DCC: variants seen among roughly 807,000 people sequenced by gnomAD.
DCC encodes the protein DCC netrin 1 receptor, also known as netrin receptor DCC.
A neutral mutation model predicts 172.5 loss-of-function variants in DCC; 58 were observed. The observed-to-expected ratio is 0.34, with a 90% CI of 0.27 to 0.42. The LOEUF (loss-of-function observed/expected upper bound fraction) is 0.42, where lower values mean the gene tolerates loss of function less well. Ranked by LOEUF, DCC falls within the 10% of genes least tolerant of loss-of-function variation. DCC has a pLI of 1.00. For missense variants in DCC, 1,740 were observed against 1,791.0 expected (o/e 0.97, Z 0.51); for synonymous variants, 709 against 644.5 (o/e 1.10, Z -1.52).
chr18:53,426,387 A>T (rs1454071148), intron 21 of DCC, among the ~76,000 whole-genome samples: 3 of 142,198 alleles, frequency 2.1e-5, no homozygotes, highest in African/African-American at 7.6e-5. Flanking sequence ...GTTATATATC[A>T]TATATATTTA....
chr18:53,088,502 G>A (rs751698552), intron 7 of DCC, among the ~76,000 whole-genome samples: 14 of 152,054 alleles, frequency 9.2e-5, no homozygotes, highest in Non-Finnish European at 1.8e-4. Flanking sequence ...GGAGATTTGG[G>A]GCTGAGACAA....
At chr18:53,098,061 C>G (rs903225712) in intron 7 of DCC, among the ~76,000 whole-genome samples, 1 of 152,130 alleles carries the variant, frequency 6.6e-6, no homozygotes, top group Non-Finnish European at 1.5e-5. Context: ...CCCCTGTTCT[C>G]TGACTTCCTA....
intron 12 of DCC, among the ~76,000 whole-genome samples, chr18:53,230,297 G>T (rs762593828): frequency 5.3e-5 from 8 of 152,050 alleles, no homozygotes; most frequent in African/African-American, 1.7e-4. Flanking sequence ...CAAAGTAGAA[G>T]AATTGCACAG....
At chr18:52,935,302 T>C (rs1427332518) in intron 5 of DCC, among the ~76,000 whole-genome samples, 1 of 152,104 alleles carries the variant, frequency 6.6e-6, no homozygotes, top group Non-Finnish European at 1.5e-5. Context: ...ATCATCCCTT[T>C]ATTTAATAAT....
chr18:52,774,774 C>T (rs1180425752), intron 2 of DCC, among the ~76,000 whole-genome samples: 1 of 1,360 alleles, frequency 7.4e-4, no homozygotes, highest in Non-Finnish European at 2.1e-3. Context: ...AGGAGAGGTG[C>T]CCCTGAACCA....
chr18:52,704,989 G>T (rs990200547), intron 1 of DCC, among the ~76,000 whole-genome samples: 13 of 152,080 alleles, frequency 8.5e-5, no homozygotes, highest in Admixed American at 7.9e-4. Context: ...GAAGCTTTGG[G>T]GCACTTGGTT....
chr18:53,025,178 G>A (rs894945491), intron 5 of DCC, among the ~76,000 whole-genome samples: 2 of 152,066 alleles, frequency 1.3e-5, no homozygotes, highest in African/African-American at 2.4e-5. Context: ...ATTTACTGAC[G>A]AGTCACTGGA....
At chr18:52,698,477 A>G (rs988960690) in intron 1 of DCC, among the ~76,000 whole-genome samples, 1 of 152,138 alleles carries the variant, frequency 6.6e-6, no homozygotes, top group African/African-American at 2.4e-5. Context: ...TCATTTATTG[A>G]GATGATTGTC....
At chr18:52,619,606 AT>A (rs2034444519) in intron 1 of DCC, among the ~76,000 whole-genome samples, 1 of 152,318 alleles carries the variant, frequency 6.6e-6, no homozygotes, top group Admixed American at 6.5e-5. Context: ...TTGTACTTAT[AT>A]TTTACCAATA....
chr18:52,792,455 G>T (rs1289671564), intron 2 of DCC, among the ~76,000 whole-genome samples: 2 of 152,196 alleles, frequency 1.3e-5, no homozygotes, highest in Non-Finnish European at 2.9e-5. Context: ...CAGTCCATAA[G>T]CCTTTGGGTA....
chr18:53,177,190 G>T (rs1455934198), intron 8 of DCC, among the ~76,000 whole-genome samples: 2 of 150,728 alleles, frequency 1.3e-5, no homozygotes, highest in Non-Finnish European at 1.5e-5. Context: ...GGGGTGGGGG[G>T]AGCGGGGGAG....
chr18:52,514,911 TACTC>T (rs1284814853), intron 1 of DCC, among the ~76,000 whole-genome samples: 2 of 152,172 alleles, frequency 1.3e-5, no homozygotes, highest in East Asian at 1.9e-4. Flanking sequence ...GGAAAACAAA[TACTC>T]AGTCTTTCCC....
intron 2 of DCC, among the ~76,000 whole-genome samples, chr18:52,775,410 A>G (rs768959956): frequency 6.6e-6 from 1 of 152,214 alleles, no homozygotes; most frequent in African/African-American, 2.4e-5. Context: ...ACCTTGTCGC[A>G]AGGACAGATC....
intron 2 of DCC, among the ~76,000 whole-genome samples, chr18:52,876,454 A>G (rs1771725635): frequency 1.3e-5 from 2 of 152,250 alleles, no homozygotes; most frequent in Admixed American, 1.3e-4. Flanking sequence ...CTTGATGGCT[A>G]CATCATTCAA....
intron 8 of DCC, among the ~76,000 whole-genome samples, chr18:53,161,355 C>A (rs1044265045): frequency 6.6e-6 from 1 of 152,164 alleles, no homozygotes; most frequent in East Asian, 1.9e-4. Flanking sequence ...CTCATTCACT[C>A]AGTTTCCTAT....
intron 5 of DCC, among the ~76,000 whole-genome samples, chr18:53,009,251 A>G (rs770799084): frequency 6.6e-6 from 1 of 151,990 alleles, no homozygotes; most frequent in Non-Finnish European, 1.5e-5. Context: ...AAATGTATTT[A>G]TAAGCTTTTA....
chr18:52,540,700 G>A (rs569251646), intron 1 of DCC, among the ~76,000 whole-genome samples: 3 of 124,868 alleles, frequency 2.4e-5, no homozygotes, highest in African/African-American at 9.1e-5. Flanking sequence ...TCCACCTCCC[G>A]GGTTCATGCC....
chr18:52,381,852 C>T (rs938728401), intron 1 of DCC, among the ~76,000 whole-genome samples: 11 of 152,130 alleles, frequency 7.2e-5, no homozygotes, highest in African/African-American at 9.7e-5. Context: ...TATTCCACCC[C>T]AAATGCTAAA....
chr18:53,353,910 C>A (rs2057843730), intron 15 of DCC, among the ~76,000 whole-genome samples: 1 of 152,106 alleles, frequency 6.6e-6, no homozygotes, highest in Non-Finnish European at 1.5e-5. Context: ...CTAATGCTAT[C>A]CCTCCCCCGA....
Sources: allele counts gnomAD v4.1 joint callset (sites outside exome capture counted in the v4.1 genomes callset), GRCh38; gene constraint gnomAD v4.1.1; transcripts MANE v1.5; gene names NCBI Gene and HGNC (gene_info 2026-07-23, HGNC 2026-07-21).